Variants in CNTNAP5 observed in about 807,000 individuals in gnomAD.
CNTNAP5 encodes contactin associated protein family member 5, also known as contactin-associated protein-like 5.
In CNTNAP5, 72 loss-of-function variants were observed where a neutral mutation model predicts 150.2. That is an observed-to-expected ratio of 0.48 (90% CI 0.40 to 0.58). The LOEUF (loss-of-function observed/expected upper bound fraction) is 0.58, where lower values mean the gene tolerates loss of function less well. Ranked by LOEUF, CNTNAP5 falls within the 20% of genes least tolerant of loss-of-function variation. The pLI is 0.00. For missense variants in CNTNAP5, 1,636 were observed against 1,626.2 expected (o/e 1.01, Z -0.10); for synonymous variants, 672 against 619.8 (o/e 1.08, Z -1.25).
intron 1 of CNTNAP5, among the ~76,000 whole-genome samples, chr2:124,205,109 T>A (rs1685829733): frequency 6.6e-6 from 1 of 152,192 alleles, no homozygotes. Context: ...TGGTACGGTG[T>A]GACCGTGTCC....
chr2:124,619,073 T>C (rs970751812), intron 12 of CNTNAP5, among the ~76,000 whole-genome samples: 4 of 152,176 alleles, frequency 2.6e-5, no homozygotes, highest in African/African-American at 9.7e-5. Flanking sequence ...AAACGTAATA[T>C]TTTGTCAAAA....
chr2:124,826,174 A>G (rs999973633), intron 19 of CNTNAP5, among the ~76,000 whole-genome samples: 1 of 152,176 alleles, frequency 6.6e-6, no homozygotes, highest in Admixed American at 6.6e-5. Flanking sequence ...ATATCAAAAG[A>G]AGTACCTTAG....
At position 124,574,845 on chromosome 2, in the gene CNTNAP5, TTTCCCTA is replaced by T. The variant is rs529061568; in HGVS notation, c.1756+11523_1756+11529del. ...ATTCAGAGACAAAAGTCAGAATACA[TTTCCCTA>T]GTCATTAAAATTCTATAACACAATA... is the stretch of plus-strand genomic sequence containing the variant. On this transcript the variant is annotated intron_variant, in intron 11 of 23. Coordinates refer to ENST00000682447, the MANE Select transcript of CNTNAP5 (RefSeq NM_001367498.1). 3.9e-5 allele frequency among the ~76,000 whole-genome samples: 6 copies of T among 152,348 alleles called. No homozygotes were observed. The East Asian group carries it at 9.6e-4, about 24-fold the overall frequency.
At chr2:124,342,043 A>G (rs1329076740) in intron 3 of CNTNAP5, among the ~76,000 whole-genome samples, 1 of 152,192 alleles carries the variant, frequency 6.6e-6, no homozygotes, top group Admixed American at 6.5e-5. Context: ...CAAGCAAAGG[A>G]TAAAATCTCA....
At chr2:124,510,727 A>G (rs1163709929) in intron 8 of CNTNAP5, among the ~76,000 whole-genome samples, 2 of 151,848 alleles carry the variant, frequency 1.3e-5, no homozygotes, top group South Asian at 2.1e-4. Flanking sequence ...AGGCTTTCCC[A>G]TTCTAATTTT....
intron 19 of CNTNAP5, among the ~76,000 whole-genome samples, chr2:124,849,718 G>A (rs145697065): frequency 1.1e-4 from 16 of 152,098 alleles, no homozygotes; most frequent in Middle Eastern, 3.4e-3. Context: ...TTTCATCAGC[G>A]TCATACACAT....
At chr2:124,268,486 G>T (rs982520265) in intron 3 of CNTNAP5, among the ~76,000 whole-genome samples, 3 of 152,134 alleles carry the variant, frequency 2.0e-5, no homozygotes, top group Admixed American at 2.0e-4. Flanking sequence ...GACCAAGATG[G>T]GTCCTGGGGC....
chr2:124,604,310 A>G (rs994588110), intron 11 of CNTNAP5, among the ~76,000 whole-genome samples: 3 of 152,182 alleles, frequency 2.0e-5, no homozygotes, highest in African/African-American at 4.8e-5. Context: ...TAATAGTTTC[A>G]TAATATAATA....
At chr2:124,289,387 A>G (rs1172149909) in intron 3 of CNTNAP5, among the ~76,000 whole-genome samples, 1 of 152,226 alleles carries the variant, frequency 6.6e-6, no homozygotes, top group Admixed American at 6.5e-5. Flanking sequence ...TAAGTGATAT[A>G]GATATAAAAT....
chr2:124,603,886 C>G (rs984368881), intron 11 of CNTNAP5, among the ~76,000 whole-genome samples: 3 of 152,092 alleles, frequency 2.0e-5, no homozygotes, highest in Non-Finnish European at 4.4e-5. Flanking sequence ...ATTTAACAAT[C>G]AAAGTGACTA....
At chr2:124,843,988 C>A (rs6719167) in intron 19 of CNTNAP5, among the ~76,000 whole-genome samples, 1 of 151,912 alleles carries the variant, frequency 6.6e-6, no homozygotes, top group East Asian at 1.9e-4. Flanking sequence ...TTCTTTTGCT[C>A]TGCAGAAGCT....
chr2:124,510,348 A>AACACACAC (rs3039130), intron 8 of CNTNAP5, among the ~76,000 whole-genome samples: 9,138 of 68,156 alleles, frequency 0.13, 854 homozygotes, highest in East Asian at 0.17. Flanking sequence ...TCCATATGTC[A>AACACACAC]ACACACACAC....
At chr2:124,556,183 G>A (rs996547674) in intron 10 of CNTNAP5, among the ~76,000 whole-genome samples, 8 of 152,128 alleles carry the variant, frequency 5.3e-5, no homozygotes, top group African/African-American at 1.7e-4. Flanking sequence ...TAGAGTACAG[G>A]CTTCAGTGAC....
At chr2:124,675,228 T>C (rs1246402612) in intron 13 of CNTNAP5, among the ~76,000 whole-genome samples, 3 of 152,144 alleles carry the variant, frequency 2.0e-5, no homozygotes, top group Non-Finnish European at 4.4e-5. Flanking sequence ...AATTGATTTC[T>C]TAAAATTTAT....
intron 13 of CNTNAP5, among the ~76,000 whole-genome samples, chr2:124,672,235 A>C (rs1025059074): frequency 1.3e-5 from 2 of 152,062 alleles, no homozygotes; most frequent in Non-Finnish European, 2.9e-5. Flanking sequence ...CACCAGCCAT[A>C]TTAAATAAGG....
intron 7 of CNTNAP5, among the ~76,000 whole-genome samples, chr2:124,488,912 T>C (rs1199425938): frequency 6.6e-6 from 1 of 152,206 alleles, no homozygotes; most frequent in Non-Finnish European, 1.5e-5. Context: ...GAAGATTGTC[T>C]TCACGTGTCT....
intron 3 of CNTNAP5, among the ~76,000 whole-genome samples, chr2:124,326,700 T>C (rs1689226610): frequency 6.6e-6 from 1 of 152,036 alleles, no homozygotes; most frequent in Admixed American, 6.6e-5. Flanking sequence ...CGAGGCAGCC[T>C]GATCACTTGA....
At chr2:124,346,916 C>A (rs371643886) in intron 3 of CNTNAP5, among the ~76,000 whole-genome samples, 711 of 108,852 alleles carry the variant, frequency 6.5e-3, no homozygotes, top group African/African-American at 8.1e-3. Flanking sequence ...ATTAAAAATA[C>A]AAAAAAAAAA....
rs1227339071 is a variant in CNTNAP5 at position 124,504,356 on chromosome 2, G to A, written c.1127G>A (p.Gly376Asp). 7.4e-6 allele frequency: 12 copies of A among 1,613,900 alleles called. No individual in the cohort carries two copies. The East Asian group carries it at 2.7e-4, about 36-fold the overall frequency. ...IVPITFVNSSGSYLLLPGTPQ... is the reference protein window; with the variant it reads ...IVPITFVNSSDSYLLLPGTPQ... ...CCCATCACATTTGTCAACTCCAGCGGCAGCTATTTGCTGCTGCCCGGCACC... is the reference window on the plus strand; with the variant it reads ...CCCATCACATTTGTCAACTCCAGCGACAGCTATTTGCTGCTGCCCGGCACC... The change falls in exon 8 of 24, where the codon GGC becomes GAC. Residue 376 changes from glycine (G) to aspartate (D), a missense_variant. Physicochemically the swap from Gly to Asp is moderately conservative, Grantham distance 94. Transcript: ENST00000682447.
Sources: gnomAD v4.1 joint callset for allele counts (sites outside exome capture counted in the v4.1 genomes callset) on GRCh38, gnomAD v4.1.1 for gene constraint, MANE v1.5 for transcripts, NCBI Gene and HGNC (gene_info 2026-07-23, HGNC 2026-07-21) for gene names.